The following DYNC2I1 variants were observed in gnomAD, a reference collection of about 807,000 sequenced individuals.
DYNC2I1 encodes dynein 2 intermediate chain 1.
Under a neutral mutation model 133.4 loss-of-function variants are expected in DYNC2I1, and 89 were observed. The observed-to-expected ratio is 0.67, with a 90% CI of 0.56 to 0.80. The LOEUF (loss-of-function observed/expected upper bound fraction) is 0.80, where lower values mean the gene tolerates loss of function less well. Among genes scored for constraint, DYNC2I1 ranks in the 30% least tolerant of loss-of-function variants. The probability of loss-of-function intolerance (pLI) is 0.00; values close to 1 mark genes in which losing one functional copy is unlikely to be tolerated. For missense variants in DYNC2I1, 1,291 were observed against 1,314.5 expected (o/e 0.98, Z 0.28); for synonymous variants, 504 against 484.3 (o/e 1.04, Z -0.54).
intron 11 of DYNC2I1, among the ~76,000 whole-genome samples, chr7:158,911,265 G>T (rs1469245068): frequency 1.3e-5 from 2 of 152,150 alleles, no homozygotes; most frequent in Non-Finnish European, 2.9e-5. Flanking sequence ...TTTTGTGTTA[G>T]CTCAGGCATA....
At chr7:158,947,535 TGG>T (rs1431071258), downstream of DYNC2I1, among the ~76,000 whole-genome samples, 1 of 152,242 alleles carries the variant, frequency 6.6e-6, no homozygotes, top group Non-Finnish European at 1.5e-5. Flanking sequence ...GCAGTCTGCT[TGG>T]GCTCAGGTCT....
the DYNC2I1 span, among the ~76,000 whole-genome samples, chr7:158,850,210 C>A: frequency 6.6e-6 from 1 of 152,128 alleles, no homozygotes; most frequent in African/African-American, 2.4e-5. Flanking sequence ...ACAGCTGCAC[C>A]TGGGAGCTCC....
At chr7:158,921,684 G>A (rs1387151801) in intron 15 of DYNC2I1, among the ~76,000 whole-genome samples, 1 of 152,142 alleles carries the variant, frequency 6.6e-6, no homozygotes, top group African/African-American at 2.4e-5. Flanking sequence ...GAACTGAGGG[G>A]CTGATAGGTG....
downstream of DYNC2I1, among the ~76,000 whole-genome samples, chr7:158,950,298 C>G (rs1431688680): frequency 6.6e-6 from 1 of 152,184 alleles, no homozygotes; most frequent in Admixed American, 6.5e-5. Flanking sequence ...CTCCTGACCT[C>G]AAGTGATCTG....
the DYNC2I1 span, among the ~76,000 whole-genome samples, chr7:158,848,393 C>T: frequency 6.6e-6 from 1 of 152,230 alleles, no homozygotes; most frequent in Admixed American, 6.5e-5. Context: ...ACATGGGCAC[C>T]TTGCGTGATA....
downstream of DYNC2I1, among the ~76,000 whole-genome samples, chr7:158,958,324 C>T (rs1165471893): frequency 2.0e-5 from 3 of 152,274 alleles, no homozygotes; most frequent in Non-Finnish European, 2.9e-5. Context: ...GCCCGCCCCA[C>T]ACCTGGCGTT....
In DYNC2I1 at chr7:158,914,298, A is replaced by G. The variant is rs1242692537; in HGVS notation, c.1768A>G (p.Ser590Gly). The change falls in exon 14 of 25, where the codon AGC (serine) becomes GGC (glycine). Residue 590 changes from serine to glycine, a missense_variant. Physicochemically the swap from Ser to Gly is moderately conservative, Grantham distance 56. Coordinates refer to ENST00000407559, the MANE Select transcript of DYNC2I1 (RefSeq NM_018051.5). ...MPKIDTPRLC[S>G]FLRAACQVMA... ...AAAGATTGATACTCCAAGGTTATGT[A>G]GCTTTCTGCGGGCTGCTTGTCAGGT... is the stretch of plus-strand genomic sequence containing the variant. 5 of 1,612,248 alleles carry G rather than the reference A, an allele frequency of 3.1e-6. No individual in the cohort carries two copies. The Admixed American group carries it at 6.7e-5, about 22-fold the overall frequency.
chr7:158,956,381 T>C (rs530273168), intron 4 of DYNC2I1, among the ~76,000 whole-genome samples: 196 of 152,316 alleles, frequency 1.3e-3, no homozygotes, highest in African/African-American at 4.3e-3. Flanking sequence ...GGGCCACCTC[T>C]GGAAGGCTGC....
chr7:158,896,201 T>C (rs1314171536), intron 8 of DYNC2I1, among the ~76,000 whole-genome samples: 2 of 152,220 alleles, frequency 1.3e-5, no homozygotes, highest in Non-Finnish European at 2.9e-5. Flanking sequence ...GTTTCTCACT[T>C]AGGTATGATA....
Position 158,905,140 on chromosome 7 carries a change from C to CTTTTTTTTTTTTTTTTTTT in DYNC2I1, c.1358-831_1358-830insTTTTTTTTTTTTTTTTTTT, listed in dbSNP as rs77389434. 403 of 338,100 alleles carry CTTTTTTTTTTTTTTTTTTT rather than the reference C, an allele frequency of 1.2e-3. 11 individuals are homozygous for CTTTTTTTTTTTTTTTTTTT. The highest frequency in any genetic ancestry group is 2.1e-3 in the South Asian group (94 of 44,250). The allele number at this position is 338,100 out of a possible 1,614,324, so 20.9% of individuals were successfully genotyped here. On this transcript the variant is annotated intron_variant, in intron 10 of 24. Transcript: ENST00000407559. ...GTTGTTTGTTCTTGTCTTTCTTTTT[C>CTTTTTTTTTTTTTTTTTTT]TTTTTTTTTTTTTTTTTTGAGACAG...
At chr7:158,868,521 T>C (rs1842609487) in intron 1 of DYNC2I1, among the ~76,000 whole-genome samples, 1 of 152,256 alleles carries the variant, frequency 6.6e-6, no homozygotes, top group Non-Finnish European at 1.5e-5. Flanking sequence ...TTTTTGGGCC[T>C]GGAACCTTTC....
chr7:158,863,627 G>T (rs1007453015), intron 1 of DYNC2I1, among the ~76,000 whole-genome samples: 2 of 115,648 alleles, frequency 1.7e-5, no homozygotes, highest in African/African-American at 3.4e-5. Flanking sequence ...GGGTGTGTTT[G>T]GGGGGGGCGG....
In DYNC2I1 at chr7:158,864,070, C is replaced by CGGTGT. The variant is rs1440332238; in HGVS notation, c.16-5783_16-5779dup. Among the ~76,000 whole-genome samples the CGGTGT allele has an allele frequency of 2.4e-3, 220 of 92,238 alleles. 5 individuals carry two copies. Among genetic ancestry groups the CGGTGT allele is most frequent in the Non-Finnish European group, 7.9e-4 (39 of 49,180 alleles). The allele number at this position is 92,238 out of a possible 152,430, so 60.5% of individuals were successfully genotyped here. ...TGGGGAGCGGGAAGTCCTTAGCTCC[C>CGGTGT]GGTGTGTGTGTGTGGTGTGGGGGGA... On this transcript the variant is annotated intron_variant, in intron 1 of 24. Coordinates refer to ENST00000407559, the MANE Select transcript of DYNC2I1 (RefSeq NM_018051.5).
intron 1 of DYNC2I1, among the ~76,000 whole-genome samples, chr7:158,858,333 C>CAAAT (rs1315726097): frequency 1.3e-5 from 2 of 152,074 alleles, no homozygotes; most frequent in Non-Finnish European, 2.9e-5. Context: ...ATTGCAGAAC[C>CAAAT]AAATAGTCAG....
At chr7:158,902,862 G>A (rs560471736) in intron 10 of DYNC2I1, 6 of 424,150 alleles carry the variant, frequency 1.4e-5, no homozygotes, top group East Asian at 4.1e-5. Flanking sequence ...TGAGGGTGCC[G>A]TGGCCCCACT....
At chr7:158,866,851 C>T (rs1842450206) in intron 1 of DYNC2I1, among the ~76,000 whole-genome samples, 1 of 151,468 alleles carries the variant, frequency 6.6e-6, no homozygotes, top group Non-Finnish European at 1.5e-5. Flanking sequence ...CACCACTGCA[C>T]TCCAGCCTGG....
At chr7:158,876,562 A>G in intron 3 of DYNC2I1, 47 bp from the exon 4 acceptor site, 2 of 1,511,200 alleles carry the variant, frequency 1.3e-6, no homozygotes, top group Non-Finnish European at 8.8e-7. Flanking sequence ...GAGTTTTTTG[A>G]TGTGCTAACA....
chr7:158,928,818 G>A (rs1454513202), intron 20 of DYNC2I1, among the ~76,000 whole-genome samples: 2 of 151,988 alleles, frequency 1.3e-5, no homozygotes, highest in South Asian at 2.1e-4. Flanking sequence ...CCAGGATTCC[G>A]CCCCAAATGC....
At chr7:158,949,988 C>G (rs1401630672), downstream of DYNC2I1, among the ~76,000 whole-genome samples, 1 of 152,010 alleles carries the variant, frequency 6.6e-6, no homozygotes, top group Non-Finnish European at 1.5e-5. Context: ...TCAGGCTGGT[C>G]TCGAACTCCC....
Sources: allele counts gnomAD v4.1 joint callset (sites outside exome capture counted in the v4.1 genomes callset), GRCh38; gene constraint gnomAD v4.1.1; transcripts MANE v1.5; gene names NCBI Gene and HGNC (gene_info 2026-07-23, HGNC 2026-07-21).